Variants in TRIP11 observed in about 807,000 individuals in gnomAD.
TRIP11 encodes thyroid hormone receptor interactor 11.
Under a neutral mutation model 223.1 loss-of-function variants are expected in TRIP11, and 148 were observed. The ratio of observed to expected loss-of-function variants is 0.66; its 90% CI spans 0.58 to 0.76. TRIP11 has a LOEUF of 0.76. Ranked by LOEUF, TRIP11 falls within the 30% of genes least tolerant of loss-of-function variation. TRIP11 has a pLI of 0.00. For missense variants in TRIP11, 2,043 were observed against 2,222.0 expected (o/e 0.92, Z 1.62); for synonymous variants, 762 against 772.6 (o/e 0.99, Z 0.23).
chr14:92,034,206 G>A (rs781204646), intron 1 of TRIP11, among the ~76,000 whole-genome samples: 10 of 151,982 alleles, frequency 6.6e-5, no homozygotes, highest in Non-Finnish European at 1.5e-4. Context: ...GGCGGATCAC[G>A]TGAGATCGGG....
At chr14:92,006,728 A>G (rs1250127404) in intron 10 of TRIP11, among the ~76,000 whole-genome samples, 1 of 151,212 alleles carries the variant, frequency 6.6e-6, no homozygotes, top group Non-Finnish European at 1.5e-5. Context: ...ATCTCGGCTC[A>G]CCGCAACCTC....
chr14:92,026,225 C>A (rs2057184675), intron 2 of TRIP11, among the ~76,000 whole-genome samples: 1 of 152,086 alleles, frequency 6.6e-6, no homozygotes, highest in Non-Finnish European at 1.5e-5. Flanking sequence ...AATTTGAAAA[C>A]CACTACTAGA....
chr14:91,977,314 C>T (rs2140085473), intron 16 of TRIP11: 2 of 430,876 alleles, frequency 4.6e-6, no homozygotes, highest in East Asian at 1.4e-4. Context: ...GTTGCTTGTG[C>T]TTTTGGTTTC....
intron 20 of TRIP11, among the ~76,000 whole-genome samples, chr14:91,970,709 G>A (rs2056391394): frequency 6.6e-6 from 1 of 152,158 alleles, no homozygotes; most frequent in Non-Finnish European, 1.5e-5. Flanking sequence ...GAAAAGGCAA[G>A]AGAAGAATAT....
At position 92,021,679 on chromosome 14, in the gene TRIP11, T is replaced by G. The variant is rs749063136; in HGVS notation, c.465A>C (p.Ser155=). 28 of 1,614,204 alleles carry G rather than the reference T, an allele frequency of 1.7e-5. No homozygotes were observed. The highest frequency in any genetic ancestry group is 2.3e-5 in the Non-Finnish European group (27 of 1,180,028). ...SFAYGISHHP[S]AFHDDDMDFG... ...AGTCCATGTCATCGTCATGGAAAGC[T>G]GAAGGATGATGACTAATCCCATAAG... The change falls in exon 4 of 21, where the codon TCA becomes TCC. Residue 155 remains serine, a synonymous_variant. Coordinates refer to ENST00000267622, the MANE Select transcript of TRIP11 (RefSeq NM_004239.4).
At chr14:92,009,472 T>A (rs1315667654) in intron 9 of TRIP11, among the ~76,000 whole-genome samples, 1 of 152,170 alleles carries the variant, frequency 6.6e-6, no homozygotes, top group Non-Finnish European at 1.5e-5. Context: ...ATGAAAAGGT[T>A]ACAGGCCCTG....
chr14:91,999,833 A>T, intron 12 of TRIP11, 135 bp downstream of exon 12: 1 of 1,148,652 alleles, frequency 8.7e-7, no homozygotes, highest in Non-Finnish European at 1.2e-6. Flanking sequence ...TTAAAATTTT[A>T]CTACTGCACA....
intron 12 of TRIP11, 25 bp downstream of exon 12, chr14:91,999,943 T>A (rs1447236616): frequency 8.1e-6 from 13 of 1,613,382 alleles, no homozygotes; most frequent in African/African-American, 1.3e-5. Flanking sequence ...GTTTGATTCA[T>A]AATTCTTTTA....
At chr14:92,026,892 C>T in intron 2 of TRIP11, 1 of 1,496,522 alleles carries the variant, frequency 6.7e-7, no homozygotes, top group Non-Finnish European at 9.1e-7. Flanking sequence ...GACTAGACAG[C>T]AAAAAAGGAA....
intron 16 of TRIP11, 45 bp from the exon 17 acceptor site, chr14:91,976,234 A>G (rs2056463091): frequency 2.0e-6 from 3 of 1,503,298 alleles, no homozygotes; most frequent in Non-Finnish European, 2.8e-6. Flanking sequence ...ACTGATTAAA[A>G]TAGTCTGGAT....
chr14:91,975,677 G>A (rs1383932915), intron 17 of TRIP11, among the ~76,000 whole-genome samples: 2 of 151,796 alleles, frequency 1.3e-5, no homozygotes, highest in East Asian at 3.8e-4. Context: ...CCATCCAAAT[G>A]TATTAAAAAT....
chr14:91,999,371 ATGAT>A lies in TRIP11; in HGVS notation c.4757_4760del (p.Asn1586IlefsTer3), dbSNP rs1298268552. 1.2e-6 allele frequency: 2 copies of A among 1,613,834 alleles called. No individual in the cohort carries two copies. Among genetic ancestry groups the A allele is most frequent in the Non-Finnish European group, 1.7e-6 (2 of 1,179,928 alleles). On this transcript the variant is annotated frameshift_variant, in exon 13 of 21. Coordinates refer to ENST00000267622, the MANE Select transcript of TRIP11 (RefSeq NM_004239.4). LOFTEE classifies it high-confidence loss of function. ...TATAAGAATCTTCTGATTCTAAAAG[ATGAT>A]TACGCAATCTCTCTAGCTCTTGGTT... is the stretch of plus-strand genomic sequence containing the variant.
chr14:91,995,033 C>T (rs942494866), intron 14 of TRIP11, among the ~76,000 whole-genome samples: 4 of 150,244 alleles, frequency 2.7e-5, no homozygotes, highest in Admixed American at 2.6e-4. Context: ...GTATTCTCCT[C>T]TTCATTACTT....
rs2056491163 is a variant in TRIP11, at chr14:91,978,099, T to G, written c.5261-1910A>C. Among the ~76,000 whole-genome samples, 2 of 152,166 alleles carry G rather than the reference T, an allele frequency of 1.3e-5. No homozygotes were observed. The highest frequency in any genetic ancestry group is 4.2e-4 in the South Asian group (2 of 4,818). ...GGTGGACAGGACTATTATTAAAGTC[T>G]GAGTCAGTAAAAGACACTTTAGATT... On this transcript the variant is annotated intron_variant, in intron 16 of 20. Coordinates refer to ENST00000267622, the MANE Select transcript of TRIP11 (RefSeq NM_004239.4). This position sits in a 1 kb window ranked among gnomAD's most constrained non-coding sequence, Gnocchi z 4.4.
At chr14:91,970,311 G>A (rs186162801) in intron 20 of TRIP11, among the ~76,000 whole-genome samples, 117 of 152,188 alleles carry the variant, frequency 7.7e-4, no homozygotes, top group African/African-American at 2.7e-3. Flanking sequence ...TACTTGGGAG[G>A]CTGAGGCTGG....
Position 92,006,297 on chromosome 14 carries a change from T to A in TRIP11, c.1679A>T (p.Gln560Leu), listed in dbSNP as rs2056901840. Reference sequence around the variant, plus strand: ...TTCACTTTGAATTAGCTTTTCTTTCTGTACATCTAACTCTTTAGTAATGTC... The same window carrying A: ...TTCACTTTGAATTAGCTTTTCTTTCAGTACATCTAACTCTTTAGTAATGTC... ...KMDITKELDV[Q>L]KEKLIQSEVA... Residue 560 changes from glutamine (Q) to leucine (L), a missense_variant, in exon 11 of 21, where the codon CAG (glutamine) becomes CTG (leucine). Gln to Leu is a moderately radical substitution (Grantham distance 113). Coordinates refer to ENST00000267622, the MANE Select transcript of TRIP11 (RefSeq NM_004239.4). 1 of 1,610,326 alleles carries A rather than the reference T, an allele frequency of 6.2e-7. No homozygotes were observed. Among genetic ancestry groups the A allele is most frequent in the Non-Finnish European group, 8.5e-7 (1 of 1,178,598 alleles).
intron 13 of TRIP11, among the ~76,000 whole-genome samples, chr14:91,996,974 G>A (rs746021729): frequency 2.9e-4 from 44 of 152,044 alleles, no homozygotes; most frequent in Admixed American, 5.9e-4. Context: ...TTTAATTTCC[G>A]GTTAAATTCT....
intron 13 of TRIP11, among the ~76,000 whole-genome samples, chr14:91,996,484 C>A (rs552415615): frequency 4.9e-4 from 74 of 152,282 alleles, no homozygotes; most frequent in African/African-American, 1.7e-3. Context: ...TGAGGCTGCA[C>A]TGAACTATGA....
rs59575169 is a variant in TRIP11, at chr14:92,008,148, C to A, written c.1315-296G>T. ...TATAAAAAACGTTCCCATTTGAGAG[C>A]CTCTCCTATCCTGCTCCACCGTGGC... On this transcript the variant is annotated intron_variant, in intron 9 of 20. Transcript: ENST00000267622. Among the ~76,000 whole-genome samples the A allele has an allele frequency of 0.013, 2,003 of 152,176 alleles. 30 individuals are homozygous for A. The highest frequency in any genetic ancestry group is 0.045 in the African/African-American group (1,873 of 41,472).
Sources: gnomAD v4.1 joint callset for allele counts (sites outside exome capture counted in the v4.1 genomes callset) on GRCh38, gnomAD v4.1.1 for gene constraint, Gnocchi (gnomAD v3.1) non-coding constraint, MANE v1.5 for transcripts, NCBI Gene and HGNC (gene_info 2026-07-23, HGNC 2026-07-21) for gene names.